FSTL4: variants seen among roughly 807,000 people sequenced by gnomAD.
The protein encoded by FSTL4 is follistatin-related protein 4.
FSTL4 carries 28 observed loss-of-function variants against 78.2 expected under a neutral mutation model. The ratio of observed to expected loss-of-function variants is 0.36; its 90% CI spans 0.27 to 0.49. The LOEUF is 0.49. Among genes scored for constraint, FSTL4 ranks in the 20% least tolerant of loss-of-function variants. The pLI is 0.98. For missense variants in FSTL4, 922 were observed against 1,084.9 expected (o/e 0.85, Z 2.11); for synonymous variants, 422 against 440.5 (o/e 0.96, Z 0.53).
chr5:133,555,298 A>G (rs1329013923), intron 3 of FSTL4, among the ~76,000 whole-genome samples: 6 of 152,202 alleles, frequency 3.9e-5, no homozygotes, highest in Non-Finnish European at 8.8e-5. Context: ...GTGTTTTCCC[A>G]TTGGGTCTTA....
At chr5:133,211,396 G>C (rs1750707834) in intron 13 of FSTL4, among the ~76,000 whole-genome samples, 1 of 152,120 alleles carries the variant, frequency 6.6e-6, no homozygotes, top group Non-Finnish European at 1.5e-5. Context: ...CCACATGGAA[G>C]AGTCATCCAA....
At chr5:133,820,111 G>A in the FSTL4 span, among the ~76,000 whole-genome samples, 1 of 152,204 alleles carries the variant, frequency 6.6e-6, no homozygotes, top group Non-Finnish European at 1.5e-5. Context: ...GCAGGCCTGA[G>A]GGGTTGCAGT....
At chr5:133,607,963 C>G (rs149802705) in intron 1 of FSTL4, among the ~76,000 whole-genome samples, 2 of 152,144 alleles carry the variant, frequency 1.3e-5, no homozygotes, top group Non-Finnish European at 2.9e-5. Context: ...GAATCCCAGG[C>G]CGATGCCCCT....
At chr5:133,665,207 A>C in the FSTL4 span, among the ~76,000 whole-genome samples, 1 of 152,248 alleles carries the variant, frequency 6.6e-6, no homozygotes, top group Admixed American at 6.5e-5. Flanking sequence ...AGACTCTGCC[A>C]TGCTGCAGTA....
At chr5:133,286,883 A>G (rs76997654) in intron 6 of FSTL4, among the ~76,000 whole-genome samples, 4,233 of 152,328 alleles carry the variant, frequency 0.028, 204 homozygotes, top group African/African-American at 0.096. Context: ...ACATCTCTCC[A>G]TGGGGCTTGA....
Position 133,380,862 on chromosome 5 carries a change from C to A in FSTL4, c.409+19876G>T, listed in dbSNP as rs1326229202. 2.7e-5 allele frequency among the ~76,000 whole-genome samples: 4 copies of A among 150,920 alleles called. No individual in the cohort carries two copies. In the East Asian group the frequency reaches 5.8e-4, roughly 22 times the overall value. Reference sequence around the variant, plus strand: ...AATAAATTTATACCTAATATCAAATCCAGGGTATAAAAAGGATTATACATC... The same window carrying A: ...AATAAATTTATACCTAATATCAAATACAGGGTATAAAAAGGATTATACATC... On this transcript the variant is annotated intron_variant, in intron 4 of 15. Coordinates refer to ENST00000265342, the MANE Select transcript of FSTL4 (RefSeq NM_015082.2).
At chr5:133,789,610 A>C in the FSTL4 span, among the ~76,000 whole-genome samples, 1 of 152,358 alleles carries the variant, frequency 6.6e-6, no homozygotes, top group Admixed American at 6.5e-5. Context: ...TTGGTGTATT[A>C]GTTGGCTCAG....
At chr5:133,231,780 C>T (rs192446015) in intron 8 of FSTL4, among the ~76,000 whole-genome samples, 12 of 152,226 alleles carry the variant, frequency 7.9e-5, no homozygotes, top group South Asian at 2.1e-4. Flanking sequence ...TGGACTCAAG[C>T]GATCCAGCCT....
chr5:133,673,714 T>C, the FSTL4 span, among the ~76,000 whole-genome samples: 3 of 152,276 alleles, frequency 2.0e-5, no homozygotes, highest in Non-Finnish European at 4.4e-5. Flanking sequence ...CACAGAGCTC[T>C]GGCCAGGAAA....
intron 15 of FSTL4, 34 bp downstream of exon 15, chr5:133,201,899 G>A: frequency 8.1e-7 from 1 of 1,240,450 alleles, no homozygotes; most frequent in Non-Finnish European, 1.2e-6. Flanking sequence ...GCTGGAGCGG[G>A]GAGTGCCTTA....
chr5:133,458,053 C>G (rs1488578516), intron 3 of FSTL4: 1 of 152,180 alleles, frequency 6.6e-6, no homozygotes, highest in East Asian at 1.9e-4. Context: ...CTGAACTTTC[C>G]TTTCCCATTC....
At chr5:133,562,563 T>A (rs1561470137) in intron 3 of FSTL4, among the ~76,000 whole-genome samples, 1 of 152,158 alleles carries the variant, frequency 6.6e-6, no homozygotes, top group Non-Finnish European at 1.5e-5. Context: ...TTTTTCCTTT[T>A]CCCTGAAGAC....
chr5:133,789,230 A>T, the FSTL4 span, among the ~76,000 whole-genome samples: 1 of 152,192 alleles, frequency 6.6e-6, no homozygotes, highest in Non-Finnish European at 1.5e-5. Flanking sequence ...TCATGTTCTA[A>T]ATCTGCATCC....
At chr5:133,358,397 C>T (rs1754986828) in intron 4 of FSTL4, among the ~76,000 whole-genome samples, 1 of 152,034 alleles carries the variant, frequency 6.6e-6, no homozygotes, top group African/African-American at 2.4e-5. Context: ...GGAATGACGG[C>T]CTTACGTGTT....
intron 6 of FSTL4, among the ~76,000 whole-genome samples, chr5:133,255,777 C>T (rs1290619519): frequency 1.3e-5 from 2 of 152,192 alleles, no homozygotes; most frequent in Non-Finnish European, 2.9e-5. Context: ...TTACCATAAG[C>T]AGGCTAACAA....
the FSTL4 span, among the ~76,000 whole-genome samples, chr5:133,819,672 G>T: frequency 6.6e-6 from 1 of 152,210 alleles, no homozygotes; most frequent in Non-Finnish European, 1.5e-5. Context: ...CCCACGCATT[G>T]TTCCAGATGA....
chr5:133,376,565 A>G (rs151311140), intron 4 of FSTL4, among the ~76,000 whole-genome samples: 1 of 152,278 alleles, frequency 6.6e-6, no homozygotes, highest in East Asian at 1.9e-4. Context: ...CACACTCCAA[A>G]CCCAACCGGT....
the FSTL4 span, among the ~76,000 whole-genome samples, chr5:133,626,107 A>G: frequency 2.4e-5 from 2 of 82,044 alleles, no homozygotes; most frequent in African/African-American, 1.0e-4. Context: ...CCATATATAT[A>G]TATATTCCAT....
intron 4 of FSTL4, among the ~76,000 whole-genome samples, chr5:133,371,683 A>C (rs1755305387): frequency 6.6e-6 from 1 of 152,246 alleles, no homozygotes; most frequent in African/African-American, 2.4e-5. Context: ...CTTTGTTCTC[A>C]GATTCTTTTG....
Sources: allele counts gnomAD v4.1 joint callset (sites outside exome capture counted in the v4.1 genomes callset), GRCh38; gene constraint gnomAD v4.1.1; transcripts MANE v1.5; gene names NCBI Gene and HGNC (gene_info 2026-07-23, HGNC 2026-07-21).